Variants in ADAMTSL1 observed in about 807,000 individuals in gnomAD.
ADAMTSL1 encodes the protein ADAMTS-like protein 1.
A neutral mutation model predicts 201.8 loss-of-function variants in ADAMTSL1; 126 were observed. That is an observed-to-expected ratio of 0.62 (90% confidence interval 0.54 to 0.72). The LOEUF (loss-of-function observed/expected upper bound fraction) is 0.72. Among genes scored for constraint, ADAMTSL1 ranks in the 30% least tolerant of loss-of-function variants. ADAMTSL1 has a pLI of 0.00. For missense variants in ADAMTSL1, 2,679 were observed against 2,277.8 expected, an observed-to-expected ratio of 1.18 and a Z score of -3.59; for synonymous variants, 1,121 against 903.4, an observed-to-expected ratio of 1.24 and a Z score of -4.32.
chr9:18,019,552 T>C (rs1820395855), intron 1 of ADAMTSL1, among the ~76,000 whole-genome samples: 1 of 152,068 alleles, frequency 6.6e-6, no homozygotes, highest in South Asian at 2.1e-4. Flanking sequence ...CAGTAGGGCC[T>C]CTAAGAAGAT....
chr9:18,291,747 T>TCTCTCA (rs1354410845), intron 2 of ADAMTSL1, among the ~76,000 whole-genome samples: 49 of 99,874 alleles, frequency 4.9e-4, no homozygotes, highest in East Asian at 1.5e-3. Context: ...TCTCTCTCTC[T>TCTCTCA]CACACACACA....
chr9:18,316,947 A>T (rs1563882450), intron 2 of ADAMTSL1, among the ~76,000 whole-genome samples: 1 of 152,190 alleles, frequency 6.6e-6, no homozygotes, highest in African/African-American at 2.4e-5. Flanking sequence ...TTGCAGCGTT[A>T]TTCACAATAG....
chr9:18,331,990 CCCACCAAAATAT>C (rs1250212920), intron 2 of ADAMTSL1, among the ~76,000 whole-genome samples: 1 of 152,088 alleles, frequency 6.6e-6, no homozygotes, highest in Admixed American at 6.6e-5. Context: ...TGGCAAGTAG[CCCACCAAAATAT>C]TGATGTGAAA....
chr9:18,445,455 A>G (rs1361097875), intron 2 of ADAMTSL1, among the ~76,000 whole-genome samples: 1 of 152,188 alleles, frequency 6.6e-6, no homozygotes, highest in African/African-American at 2.4e-5. Context: ...TAATCACAGT[A>G]TATTTAAGAG....
At chr9:18,816,805 G>C (rs1415901397) in intron 20 of ADAMTSL1, among the ~76,000 whole-genome samples, 1 of 121,846 alleles carries the variant, frequency 8.2e-6, no homozygotes. Context: ...ACAAATAATA[G>C]TTGTGCATAT....
chr9:18,151,950 A>T (rs1474164448), intron 1 of ADAMTSL1, among the ~76,000 whole-genome samples: 1 of 152,062 alleles, frequency 6.6e-6, no homozygotes, highest in Non-Finnish European at 1.5e-5. Flanking sequence ...TGGAAATACT[A>T]ATTCGTTTGA....
chr9:18,446,683 C>T (rs1287036625), intron 2 of ADAMTSL1, among the ~76,000 whole-genome samples: 1 of 152,224 alleles, frequency 6.6e-6, no homozygotes, highest in Non-Finnish European at 1.5e-5. Context: ...AAGCCTTTGA[C>T]GTAGATCTTC....
chr9:18,047,708 T>C (rs1821730960), intron 1 of ADAMTSL1, among the ~76,000 whole-genome samples: 1 of 152,086 alleles, frequency 6.6e-6, no homozygotes, highest in Non-Finnish European at 1.5e-5. Context: ...ATTGGCATGC[T>C]GGTATATAAA....
chr9:17,987,614 T>A (rs1047265139), intron 1 of ADAMTSL1, among the ~76,000 whole-genome samples: 9 of 152,098 alleles, frequency 5.9e-5, no homozygotes, highest in Non-Finnish European at 8.8e-5. Flanking sequence ...TCTTGACTAA[T>A]GAAACCACGT....
intron 23 of ADAMTSL1, among the ~76,000 whole-genome samples, chr9:18,847,474 C>T (rs1036347639): frequency 4.6e-5 from 7 of 152,108 alleles, no homozygotes; most frequent in African/African-American, 9.7e-5. Flanking sequence ...AAGCAAATGG[C>T]ATCATATGGT....
intron 23 of ADAMTSL1, among the ~76,000 whole-genome samples, chr9:18,832,618 C>T (rs182707685): frequency 2.0e-5 from 3 of 152,304 alleles, no homozygotes; most frequent in Admixed American, 1.3e-4. Flanking sequence ...GGCAAAGATA[C>T]TGTTAATCAC....
chr9:18,315,392 G>A (rs767730659), intron 2 of ADAMTSL1, among the ~76,000 whole-genome samples: 8 of 152,154 alleles, frequency 5.3e-5, no homozygotes, highest in East Asian at 1.9e-4. Flanking sequence ...CCTCAGTGGC[G>A]CCCGTCAGGG....
intron 1 of ADAMTSL1, among the ~76,000 whole-genome samples, chr9:18,024,856 G>A (rs1243222133): frequency 1.3e-5 from 2 of 152,074 alleles, no homozygotes; most frequent in Admixed American, 1.3e-4. Context: ...GTTTTCCAGA[G>A]AGGGTGAACT....
At chr9:18,020,923 T>A (rs1262402928) in intron 1 of ADAMTSL1, among the ~76,000 whole-genome samples, 1 of 152,146 alleles carries the variant, frequency 6.6e-6, no homozygotes. Flanking sequence ...GATGTGGATA[T>A]CCTTGGTGGT....
At chr9:18,800,503 C>A (rs1274493796) in intron 20 of ADAMTSL1, among the ~76,000 whole-genome samples, 1 of 148,780 alleles carries the variant, frequency 6.7e-6, no homozygotes, top group Non-Finnish European at 1.5e-5. Context: ...TGATAGAATA[C>A]TGAATAGCTA....
At chr9:17,975,598 A>G (rs1588507139) in intron 1 of ADAMTSL1, among the ~76,000 whole-genome samples, 1 of 152,000 alleles carries the variant, frequency 6.6e-6, no homozygotes, top group African/African-American at 2.4e-5. Context: ...AAACATTGAG[A>G]CCATAGCAGA....
intron 4 of ADAMTSL1, among the ~76,000 whole-genome samples, chr9:18,614,745 A>T (rs1193415571): frequency 6.6e-6 from 1 of 152,180 alleles, no homozygotes; most frequent in African/African-American, 2.4e-5. Context: ...CATAACAGCC[A>T]GCGTAATGCC....
chr9:18,899,297 A>T (rs1829857256), intron 26 of ADAMTSL1, among the ~76,000 whole-genome samples: 1 of 152,278 alleles, frequency 6.6e-6, no homozygotes, highest in South Asian at 2.1e-4. Flanking sequence ...GAAATCAGAG[A>T]GGACACAAAC....
At chr9:18,888,072 G>A in intron 24 of ADAMTSL1, 29 bp downstream of exon 24, 1 of 1,596,678 alleles carries the variant, frequency 6.3e-7, no homozygotes, top group South Asian at 1.1e-5. Context: ...TTTGCATACT[G>A]GACTTGAACA....
Sources: allele counts gnomAD v4.1 joint callset (sites outside exome capture counted in the v4.1 genomes callset), GRCh38; gene constraint gnomAD v4.1.1; transcripts MANE v1.5; gene names NCBI Gene and HGNC (gene_info 2026-07-23, HGNC 2026-07-21).